NKAIN2: variants seen among roughly 807,000 people sequenced by gnomAD.
NKAIN2 encodes sodium/potassium-transporting ATPase subunit beta-1-interacting protein 2.
In NKAIN2, 14 loss-of-function variants were observed where a neutral mutation model predicts 32.6. That is an observed-to-expected ratio of 0.43 (90% CI 0.28 to 0.67). The LOEUF is 0.67. Ranked by LOEUF, NKAIN2 falls within the 30% of genes least tolerant of loss-of-function variation. The pLI is 0.17. For missense variants in NKAIN2, 198 were observed against 258.3 expected (o/e 0.77, Z 1.60); for synonymous variants, 80 against 87.2 (o/e 0.92, Z 0.46).
chr6:124,343,279 C>G (rs373873156), intron 2 of NKAIN2, among the ~76,000 whole-genome samples: 1 of 151,722 alleles, frequency 6.6e-6, no homozygotes, highest in Non-Finnish European at 1.5e-5. Flanking sequence ...TGAATAGTGC[C>G]GAAATAAACA....
chr6:124,574,906 G>T (rs372237927), intron 3 of NKAIN2, among the ~76,000 whole-genome samples: 2 of 152,030 alleles, frequency 1.3e-5, no homozygotes, highest in Admixed American at 6.6e-5. Context: ...AGATGTACTG[G>T]GTTATACATT....
In NKAIN2 at chr6:124,074,982, C is replaced by G. The variant is rs116511513; in HGVS notation, c.55-208023C>G. Among the ~76,000 whole-genome samples, 608 of 152,186 alleles carry G rather than the reference C, an allele frequency of 4.0e-3. 6 individuals carry two copies. The highest frequency in any genetic ancestry group is 0.014 in the African/African-American group (588 of 41,518). On this transcript the variant is annotated intron_variant, in intron 1 of 6. Transcript: ENST00000368417. ...TTATGCTTGACATATAACATACTTACGTTAATATTAGAATAATGAAGGATG... is the reference window on the plus strand; with the variant it reads ...TTATGCTTGACATATAACATACTTAGGTTAATATTAGAATAATGAAGGATG...
intron 3 of NKAIN2, among the ~76,000 whole-genome samples, chr6:124,448,236 G>T (rs1300583582): frequency 6.6e-6 from 1 of 151,998 alleles, no homozygotes; most frequent in Admixed American, 6.6e-5. Flanking sequence ...ATTGATTAAG[G>T]AAATCTCTGC....
intron 1 of NKAIN2, among the ~76,000 whole-genome samples, chr6:124,129,297 A>T (rs1409770104): frequency 6.6e-6 from 1 of 152,200 alleles, no homozygotes; most frequent in East Asian, 1.9e-4. Flanking sequence ...CAAGAAAAAA[A>T]GGAAAATTGG....
At chr6:124,083,774 A>G (rs145308331) in intron 1 of NKAIN2, among the ~76,000 whole-genome samples, 81 of 144,676 alleles carry the variant, frequency 5.6e-4, no homozygotes, top group African/African-American at 2.0e-3. Context: ...CTTTCAGTCT[A>G]AGAGGAACTG....
chr6:124,307,946 C>T (rs909959847), intron 2 of NKAIN2, among the ~76,000 whole-genome samples: 1 of 152,032 alleles, frequency 6.6e-6, no homozygotes, highest in African/African-American at 2.4e-5. Flanking sequence ...AAACTGAAAG[C>T]AACTAATTCC....
intron 1 of NKAIN2, among the ~76,000 whole-genome samples, chr6:123,965,377 T>G (rs1778023948): frequency 6.6e-6 from 1 of 152,180 alleles, no homozygotes; most frequent in East Asian, 1.9e-4. Flanking sequence ...TCAAGTTTGA[T>G]TAAGGGATTA....
At chr6:123,837,034 A>G (rs185842661) in intron 1 of NKAIN2, among the ~76,000 whole-genome samples, 16 of 152,260 alleles carry the variant, frequency 1.1e-4, no homozygotes, top group Admixed American at 9.2e-4. Flanking sequence ...ATTCATTCAT[A>G]TTGTAAAAGT....
At chr6:123,983,372 TC>T (rs1778987635) in intron 1 of NKAIN2, among the ~76,000 whole-genome samples, 1 of 152,148 alleles carries the variant, frequency 6.6e-6, no homozygotes, top group South Asian at 2.1e-4. Context: ...TAGATGGAAC[TC>T]TGATGAGGGA....
intron 1 of NKAIN2, among the ~76,000 whole-genome samples, chr6:124,194,374 A>C (rs906468610): frequency 6.6e-6 from 1 of 151,718 alleles, no homozygotes; most frequent in South Asian, 2.1e-4. Context: ...TCCTTTCAAC[A>C]TATCTGTTTC....
intron 3 of NKAIN2, among the ~76,000 whole-genome samples, chr6:124,388,177 AT>A (rs1050806408): frequency 2.7e-5 from 4 of 148,032 alleles, no homozygotes; most frequent in Non-Finnish European, 5.9e-5. Context: ...TGAATTATTA[AT>A]TTTACAAAAA....
At chr6:124,481,744 A>G (rs1214068357) in intron 3 of NKAIN2, among the ~76,000 whole-genome samples, 3 of 152,098 alleles carry the variant, frequency 2.0e-5, no homozygotes, top group South Asian at 2.1e-4. Flanking sequence ...ATTTGTTTAG[A>G]TATTCATTAA....
intron 3 of NKAIN2, among the ~76,000 whole-genome samples, chr6:124,540,134 A>G (rs1256600376): frequency 6.6e-6 from 1 of 152,238 alleles, no homozygotes; most frequent in Admixed American, 6.5e-5. Context: ...CAAATTAATG[A>G]TGTAGCCATA....
intron 3 of NKAIN2, among the ~76,000 whole-genome samples, chr6:124,360,183 T>C (rs1239145980): frequency 1.3e-5 from 2 of 152,192 alleles, no homozygotes; most frequent in Non-Finnish European, 2.9e-5. Context: ...GCCAGTATTT[T>C]ATTGAGGATT....
Position 124,476,047 on chromosome 6 carries a change from TGAGAGA to T in NKAIN2, c.273+120714_273+120719del, listed in dbSNP as rs529640624. Among the ~76,000 whole-genome samples the T allele has an allele frequency of 6.5e-3, 908 of 138,770 alleles. 28 individuals carry two copies. Among genetic ancestry groups the T allele is most frequent in the Admixed American group, 0.062 (807 of 13,078 alleles). The allele number at this position is 138,770 out of a possible 152,430, so 91.0% of individuals were successfully genotyped here. A position where few individuals can be genotyped will look rare whatever the true frequency, so the allele number is the denominator to read the frequency against. ...GTGTGTGTGTGAGAGAGTGTGTGTG[TGAGAGA>T]GAGAGAGAGAGAGTGTGTGTGTGTG... On this transcript the variant is annotated intron_variant, in intron 3 of 6. Transcript: ENST00000368417.
chr6:124,217,485 A>G (rs1305557193), intron 1 of NKAIN2, among the ~76,000 whole-genome samples: 2 of 152,102 alleles, frequency 1.3e-5, no homozygotes, highest in African/African-American at 4.8e-5. Flanking sequence ...GAAATAAATT[A>G]TACTAAAAAC....
At chr6:124,343,839 G>A (rs1798266323) in intron 2 of NKAIN2, among the ~76,000 whole-genome samples, 1 of 144,114 alleles carries the variant, frequency 6.9e-6, no homozygotes, top group African/African-American at 2.5e-5. Context: ...AGTTTAATTA[G>A]ATCCCATTTG....
At chr6:123,952,539 G>T (rs1357388502) in intron 1 of NKAIN2, among the ~76,000 whole-genome samples, 1 of 151,942 alleles carries the variant, frequency 6.6e-6, no homozygotes, top group Non-Finnish European at 1.5e-5. Flanking sequence ...GTTGTTTTAT[G>T]GTGTCACACA....
chr6:124,566,689 G>C (rs948434217), intron 3 of NKAIN2, among the ~76,000 whole-genome samples: 3 of 151,194 alleles, frequency 2.0e-5, no homozygotes, highest in African/African-American at 7.3e-5. Context: ...AGACTCTACT[G>C]TGGACTTCTT....
Sources: gnomAD v4.1 joint callset for allele counts (sites outside exome capture counted in the v4.1 genomes callset) on GRCh38, gnomAD v4.1.1 for gene constraint, MANE v1.5 for transcripts, NCBI Gene and HGNC (gene_info 2026-07-23, HGNC 2026-07-21) for gene names.